The following SLC8A1 variants were observed in gnomAD, a reference collection of about 807,000 sequenced individuals.
SLC8A1 encodes the protein sodium/calcium exchanger 1.
A neutral mutation model predicts 68.3 loss-of-function variants in SLC8A1; 18 were observed. The ratio of observed to expected loss-of-function variants is 0.26; its 90% CI spans 0.18 to 0.39. The LOEUF is 0.39. SLC8A1 is among the 10% of genes least tolerant of loss of function. The pLI is 1.00. For synonymous variants in SLC8A1, 475 were observed against 415.5 expected, an observed-to-expected ratio of 1.14 and a Z score of -1.74; for missense variants, 985 against 1,156.7, an observed-to-expected ratio of 0.85 and a Z score of 2.15.
intron 1 of SLC8A1, among the ~76,000 whole-genome samples, chr2:40,481,216 G>A (rs1224552239): frequency 1.3e-5 from 2 of 152,114 alleles, no homozygotes; most frequent in African/African-American, 4.8e-5. Context: ...GGGAGGAATG[G>A]ATATAAAAAA....
At chr2:40,457,044 G>A (rs904231665), upstream of SLC8A1, among the ~76,000 whole-genome samples, 5 of 152,064 alleles carry the variant, frequency 3.3e-5, no homozygotes, top group African/African-American at 9.7e-5. Context: ...TTATGTCTGG[G>A]TATCAATTTG....
intron 2 of SLC8A1, among the ~76,000 whole-genome samples, chr2:40,380,009 A>T (rs2149545204): frequency 6.6e-6 from 1 of 152,248 alleles, no homozygotes; most frequent in South Asian, 2.1e-4. Context: ...GTCACTTGAT[A>T]CCACATGTCA....
At chr2:40,445,492 CAG>C (rs1262703347) in intron 1 of SLC8A1, among the ~76,000 whole-genome samples, 4 of 152,200 alleles carry the variant, frequency 2.6e-5, no homozygotes, top group Non-Finnish European at 5.9e-5. Context: ...GAAATGATTT[CAG>C]AGTCATAGAA....
chr2:40,393,472 C>G (rs1685951214), intron 2 of SLC8A1, among the ~76,000 whole-genome samples: 1 of 152,124 alleles, frequency 6.6e-6, no homozygotes, highest in Admixed American at 6.6e-5. Context: ...TCTGTCATCC[C>G]TTAGTTCACT....
chr2:40,298,856 C>T (rs929631303), intron 2 of SLC8A1, among the ~76,000 whole-genome samples: 2 of 152,156 alleles, frequency 1.3e-5, no homozygotes, highest in African/African-American at 4.8e-5. Context: ...CTGAAGACTA[C>T]ATAGAATAAA....
At chr2:40,174,591 G>A in intron 4 of SLC8A1, 115 bp downstream of exon 6, 1 of 978,372 alleles carries the variant, frequency 1.0e-6, no homozygotes, top group South Asian at 1.6e-5. Flanking sequence ...AAACCAGCAA[G>A]AGCACACCAT....
At chr2:40,164,200 A>C (rs981785154) in intron 5 of SLC8A1, among the ~76,000 whole-genome samples, 46 of 152,142 alleles carry the variant, frequency 3.0e-4, no homozygotes, top group Admixed American at 1.8e-3. Context: ...AGGAAATTTC[A>C]CTTCAAAGTC....
intron 2 of SLC8A1, among the ~76,000 whole-genome samples, chr2:40,241,910 ATGT>A (rs1352549907): frequency 6.6e-6 from 1 of 152,146 alleles, no homozygotes; most frequent in Non-Finnish European, 1.5e-5. Context: ...CAATATGTTT[ATGT>A]TGTTGAATAC....
intron 2 of SLC8A1, among the ~76,000 whole-genome samples, chr2:40,310,396 C>T (rs2073455285): frequency 6.6e-6 from 1 of 152,142 alleles, no homozygotes; most frequent in South Asian, 2.1e-4. Context: ...AAAGAAAGTG[C>T]AAGACAAAGG....
At chr2:40,335,471 A>C (rs948150481) in intron 2 of SLC8A1, among the ~76,000 whole-genome samples, 1 of 152,246 alleles carries the variant, frequency 6.6e-6, no homozygotes, top group African/African-American at 2.4e-5. Context: ...TGTCAAGTTA[A>C]AACTGTGAAT....
intron 2 of SLC8A1, among the ~76,000 whole-genome samples, chr2:40,412,461 T>C (rs909436525): frequency 6.6e-6 from 1 of 152,196 alleles, no homozygotes; most frequent in Non-Finnish European, 1.5e-5. Context: ...TAGCAAGTTA[T>C]AGCATTCATT....
intron 2 of SLC8A1, among the ~76,000 whole-genome samples, chr2:40,191,778 A>G (rs1417343872): frequency 6.6e-6 from 1 of 152,156 alleles, no homozygotes; most frequent in Admixed American, 6.6e-5. Flanking sequence ...TTTAAATTTT[A>G]TTATGGATCA....
At chr2:40,231,936 G>C (rs2059700208) in intron 2 of SLC8A1, among the ~76,000 whole-genome samples, 1 of 152,136 alleles carries the variant, frequency 6.6e-6, no homozygotes, top group South Asian at 2.1e-4. Flanking sequence ...ATATAGGAGG[G>C]ACTCGACGAG....
intron 1 of SLC8A1, among the ~76,000 whole-genome samples, chr2:40,472,047 C>A (rs985587846): frequency 7.2e-5 from 11 of 152,050 alleles, no homozygotes; most frequent in African/African-American, 2.4e-4. Flanking sequence ...TATGTCTGAA[C>A]CGGGGGAATT....
chr2:40,507,734 CT>C (rs1706458421), intron 1 of SLC8A1, among the ~76,000 whole-genome samples: 1 of 151,982 alleles, frequency 6.6e-6, no homozygotes, highest in South Asian at 2.1e-4. Context: ...GGGTGACTAT[CT>C]CATAGGGCTA....
rs1265926253 is a variant in SLC8A1 at position 40,099,484 on chromosome 2, T to C, written c.*15769A>G. 5 of 152,148 alleles carry C rather than the reference T, an allele frequency of 3.3e-5. No homozygotes were observed. The East Asian group carries it at 9.7e-4, about 29-fold the overall frequency. 9.4% of individuals were successfully genotyped at this position (152,148 alleles called of 1,614,324 possible). ...AACTTTAGGATCAACTACGGGAATA[T>C]TAGGATTTCTTACTTCATTTTTCAA... is the stretch of plus-strand genomic sequence containing the variant. On this transcript the variant is annotated 3_prime_UTR_variant, in exon 8 of 8. Transcript: ENST00000406785.
At chr2:40,199,307 TCA>T (rs894172263) in intron 2 of SLC8A1, among the ~76,000 whole-genome samples, 1 of 151,716 alleles carries the variant, frequency 6.6e-6, no homozygotes, top group African/African-American at 2.4e-5. Flanking sequence ...CAATGTTGGA[TCA>T]CTGGCTTGCA....
intron 7 of SLC8A1, among the ~76,000 whole-genome samples, chr2:40,135,998 T>A (rs1388244151): frequency 6.6e-6 from 1 of 152,162 alleles, no homozygotes; most frequent in Non-Finnish European, 1.5e-5. Flanking sequence ...AAATTGAGGC[T>A]GGGGATATAC....
chr2:40,185,179 C>T (rs2050480266), intron 2 of SLC8A1, among the ~76,000 whole-genome samples: 1 of 152,156 alleles, frequency 6.6e-6, no homozygotes, highest in Non-Finnish European at 1.5e-5. Flanking sequence ...AATAATGCAG[C>T]CACTTTGGAG....
Sources: gnomAD v4.1 joint callset for allele counts (sites outside exome capture counted in the v4.1 genomes callset) on GRCh38, gnomAD v4.1.1 for gene constraint, MANE v1.5 for transcripts, NCBI Gene and HGNC (gene_info 2026-07-23, HGNC 2026-07-21) for gene names.